SNAP47: variants seen among roughly 807,000 people sequenced by gnomAD.
SNAP47 encodes the protein synaptosomal-associated protein 47.
A neutral mutation model predicts 31.4 loss-of-function variants in SNAP47; 20 were observed. That is an observed-to-expected ratio of 0.64 (90% CI 0.45 to 0.93). The LOEUF (loss-of-function observed/expected upper bound fraction) is 0.93, where lower values mean the gene tolerates loss of function less well. Among genes scored for constraint, SNAP47 ranks in the 40% least tolerant of loss-of-function variants. The pLI is 0.00. For missense variants in SNAP47, 492 were observed against 528.5 expected (o/e 0.93, Z 0.68); for synonymous variants, 194 against 213.4 (o/e 0.91, Z 0.79).
At chr1:227,748,444 G>T (rs1177669163) in intron 2 of SNAP47, among the ~76,000 whole-genome samples, 1 of 152,260 alleles carries the variant, frequency 6.6e-6, no homozygotes, top group East Asian at 1.9e-4. Flanking sequence ...GGTACACTCT[G>T]CTGGAAACAC....
chr1:227,760,880 A>G lies in SNAP47; in HGVS notation c.988+1395A>G, dbSNP rs976189569. ...TTCCTCTAGAGTCTCTTCCTCCCTT[A>G]CAGAAATCTTTTATCTTGCCATGGT... On this transcript the variant is annotated intron_variant, in intron 3 of 4. Coordinates refer to ENST00000617596, the MANE Select transcript of SNAP47 (RefSeq NM_053052.4). 2.0e-5 allele frequency among the ~76,000 whole-genome samples: 3 copies of G among 152,244 alleles called. No homozygotes were observed. The East Asian group carries it at 5.8e-4, about 29-fold the overall frequency.
At chr1:227,751,744 G>GTTTTTTTTTTTTTTTT (rs540732076) in intron 2 of SNAP47, among the ~76,000 whole-genome samples, 1 of 69,138 alleles carries the variant, frequency 1.4e-5, no homozygotes, top group African/African-American at 5.6e-5. Context: ...TAAAGACTTG[G>GTTTTTTTTTTTTTTTT]TTTTTTTTTT....
chr1:227,773,795 C>T (rs1663987167), intron 4 of SNAP47, among the ~76,000 whole-genome samples: 1 of 152,258 alleles, frequency 6.6e-6, no homozygotes, highest in Non-Finnish European at 1.5e-5. Context: ...AGCCGGCCAC[C>T]ACAGGCCCTG....
At chr1:227,739,724 G>A (rs1309092086) in intron 1 of SNAP47, among the ~76,000 whole-genome samples, 2 of 152,198 alleles carry the variant, frequency 1.3e-5, no homozygotes, top group Admixed American at 6.5e-5. Context: ...ATCGCCCTGC[G>A]TGCTGAGCCA....
chr1:227,777,503 G>T (rs973424763), intron 4 of SNAP47, among the ~76,000 whole-genome samples: 1 of 152,184 alleles, frequency 6.6e-6, no homozygotes, highest in Non-Finnish European at 1.5e-5. Flanking sequence ...GTTGTTGCGG[G>T]TCTCTGCTGG....
At chr1:227,755,532 G>A (rs558222107) in intron 2 of SNAP47, among the ~76,000 whole-genome samples, 1 of 152,204 alleles carries the variant, frequency 6.6e-6, no homozygotes, top group East Asian at 1.9e-4. Context: ...GATAACAGGT[G>A]CACACCACCA....
intron 3 of SNAP47, among the ~76,000 whole-genome samples, chr1:227,765,659 C>T (rs1054426354): frequency 5.9e-5 from 9 of 152,190 alleles, no homozygotes; most frequent in Non-Finnish European, 1.3e-4. Context: ...GAAAACAGCC[C>T]ACTGGGCAAT....
rs1018485183 is a variant in SNAP47, at chr1:227,741,883, A to G, written c.-45-5809A>G. ...CCTGCAGTTGGAAAAGGGTGGCTAC[A>G]AGTTTCTCTTCTTGCTTCTTCCTGG... On this transcript the variant is annotated intron_variant, in intron 1 of 4. Transcript: ENST00000617596. This position sits in a 1 kb window ranked among gnomAD's most constrained non-coding sequence, Gnocchi z 4.2. Among the ~76,000 whole-genome samples the G allele has an allele frequency of 6.7e-6, 1 of 150,272 alleles. No homozygotes were observed. The highest frequency in any genetic ancestry group is 2.5e-5 in the African/African-American group (1 of 40,556).
Position 227,762,182 on chromosome 1 carries a change from T to G in SNAP47, c.988+2697T>G, listed in dbSNP as rs1191062112. On this transcript the variant is annotated intron_variant, in intron 3 of 4. Coordinates refer to ENST00000617596, the MANE Select transcript of SNAP47 (RefSeq NM_053052.4). The surrounding 1 kb of genome is among the most constrained non-coding windows in gnomAD (Gnocchi z 4.2). ...CCTGCTGCATGTGTGAGATGGACTG[T>G]TGCTCCTGTGGGGGACTGTTGTGCC... Among the ~76,000 whole-genome samples, 2 of 152,222 alleles carry G rather than the reference T, an allele frequency of 1.3e-5. No homozygotes were observed. The highest frequency in any genetic ancestry group is 2.9e-5 in the Non-Finnish European group (2 of 68,042).
chr1:227,735,643 T>C (rs937693365), intron 1 of SNAP47, 144 bp downstream of exon 1: 6 of 1,313,762 alleles, frequency 4.6e-6, no homozygotes, highest in African/African-American at 1.6e-5. Flanking sequence ...CGGGCTGCGC[T>C]GGGAGAGGGG....
intron 4 of SNAP47, among the ~76,000 whole-genome samples, chr1:227,769,033 A>G (rs950245631): frequency 7.2e-5 from 11 of 152,110 alleles, no homozygotes; most frequent in African/African-American, 1.7e-4. Context: ...CACACATCAG[A>G]CTCTCCTGTC....
chr1:227,728,861 G>A (rs969502843), intron 1 of SNAP47: 1 of 152,364 alleles, frequency 6.6e-6, no homozygotes, highest in Admixed American at 6.5e-5. Context: ...CCCTGCCGCG[G>A]AGCCGAAGGC....
chr1:227,771,574 G>A (rs1385098209), intron 4 of SNAP47, among the ~76,000 whole-genome samples: 2 of 152,158 alleles, frequency 1.3e-5, no homozygotes, highest in Non-Finnish European at 2.9e-5. Flanking sequence ...GGAACACCAC[G>A]CCTTCCCTTT....
intron 2 of SNAP47, 82 bp downstream of exon 2, chr1:227,748,315 C>G: frequency 7.2e-7 from 1 of 1,396,616 alleles, no homozygotes; most frequent in Non-Finnish European, 9.5e-7. Context: ...TGTTCCAGGC[C>G]ACTGCACCAT....
chr1:227,777,201 G>T, intron 4 of SNAP47: 1 of 630,406 alleles, frequency 1.6e-6, no homozygotes, highest in Non-Finnish European at 2.0e-6. Context: ...CATACTCATG[G>T]GTTACGTAGT....
rs182307106 is a variant in SNAP47 at position 227,766,967 on chromosome 1, C to G, written c.997C>G (p.Leu333Val). The G allele has an allele frequency of 1.6e-4, 258 of 1,613,802 alleles. 3 individuals carry two copies. In the Middle Eastern group the frequency reaches 4.1e-3, roughly 26 times the overall value. The change falls in exon 4 of 5, where the codon CTG (leucine) becomes GTG (valine). Residue 333 changes from leucine to valine, a missense_variant. Leu to Val is a conservative substitution (Grantham distance 32). Transcript: ENST00000617596. ...SCSVWHAASGLMGRTLHREPP... is the reference protein window; with the variant it reads ...SCSVWHAASGVMGRTLHREPP... ...ATCTGCTCTCCTTGCAGCATCTGGG[C>G]TGATGGGCCGTACCCTGCACCGTGA...
intron 2 of SNAP47, among the ~76,000 whole-genome samples, chr1:227,751,676 A>G (rs970029896): frequency 6.6e-6 from 1 of 151,012 alleles, no homozygotes; most frequent in African/African-American, 2.4e-5. Context: ...GACAAATCTG[A>G]CACAGGATTT....
chr1:227,753,393 C>T (rs1030188858), intron 2 of SNAP47, among the ~76,000 whole-genome samples: 1 of 152,210 alleles, frequency 6.6e-6, no homozygotes, highest in African/African-American at 2.4e-5. Context: ...TAACCACATA[C>T]TCTGCCCTTG....
intron 4 of SNAP47, chr1:227,768,360 G>A (rs187560464): frequency 6.1e-6 from 6 of 984,948 alleles, no homozygotes; most frequent in East Asian, 2.3e-4. Context: ...CCTCTGAGTC[G>A]GCAGGTGGGT....
Sources: gnomAD v4.1 joint callset for allele counts (sites outside exome capture counted in the v4.1 genomes callset) on GRCh38, gnomAD v4.1.1 for gene constraint, Gnocchi (gnomAD v3.1) non-coding constraint, MANE v1.5 for transcripts, NCBI Gene and HGNC (gene_info 2026-07-23, HGNC 2026-07-21) for gene names.